The following CEMIP2 variants were observed in gnomAD, a reference collection of about 807,000 sequenced individuals.
The protein encoded by CEMIP2 is cell surface hyaluronidase CEMIP2.
A neutral mutation model predicts 146.9 loss-of-function variants in CEMIP2; 79 were observed. That is an observed-to-expected ratio of 0.54 (90% confidence interval 0.45 to 0.65). The LOEUF (loss-of-function observed/expected upper bound fraction) is 0.65. CEMIP2 is among the 30% of genes least tolerant of loss of function. The pLI is 0.00. For missense variants in CEMIP2, 1,596 were observed against 1,696.2 expected, an observed-to-expected ratio of 0.94 and a Z score of 1.04; for synonymous variants, 601 against 606.3, an observed-to-expected ratio of 0.99 and a Z score of 0.13.
chr9:71,727,816 T>G (rs1823435216), intron 10 of CEMIP2, among the ~76,000 whole-genome samples: 2 of 152,152 alleles, frequency 1.3e-5, no homozygotes, highest in South Asian at 4.1e-4. Flanking sequence ...ATCCCAGCAC[T>G]TTGGGAGGCC....
intron 1 of CEMIP2, among the ~76,000 whole-genome samples, chr9:71,758,282 G>T (rs1028570432): frequency 3.3e-5 from 5 of 152,108 alleles, no homozygotes; most frequent in Non-Finnish European, 7.3e-5. Context: ...CAGGTGTGGG[G>T]CCAAGGACCT....
At chr9:71,746,596 CAAAAAAA>C (rs5898226) in intron 2 of CEMIP2, among the ~76,000 whole-genome samples, 3 of 75,180 alleles carry the variant, frequency 4.0e-5, no homozygotes, top group South Asian at 6.6e-4. Flanking sequence ...CAAACTTCAC[CAAAAAAA>C]AAAAAAAAAA....
At chr9:71,706,056 C>T (rs1274338150) in intron 17 of CEMIP2, among the ~76,000 whole-genome samples, 1 of 151,726 alleles carries the variant, frequency 6.6e-6, no homozygotes, top group East Asian at 1.9e-4. Context: ...TGGTGAAATC[C>T]CGTCTCTATT....
intron 1 of CEMIP2, among the ~76,000 whole-genome samples, chr9:71,752,467 A>G (rs146267134): frequency 1.3e-5 from 1 of 78,918 alleles, no homozygotes; most frequent in Non-Finnish European, 2.6e-5. Context: ...AGAGGAAGGA[A>G]GGAAGGAAGG....
chr9:71,750,436 A>G (rs1432316209), intron 1 of CEMIP2, 51 bp from the exon 2 acceptor site: 8 of 1,249,448 alleles, frequency 6.4e-6, no homozygotes, highest in Non-Finnish European at 7.6e-6. Flanking sequence ...TTCTTTTTTA[A>G]TTTCTTTTAT....
In CEMIP2 at chr9:71,743,381, T is replaced by C. The variant is rs1047392206; in HGVS notation, c.1034+1637A>G. 8.1e-4 allele frequency among the ~76,000 whole-genome samples: 123 copies of C among 152,312 alleles called. 1 individual carries two copies. The highest frequency in any genetic ancestry group is 3.5e-4 in the Non-Finnish European group (24 of 68,036). On this transcript the variant is annotated intron_variant, in intron 4 of 23. Coordinates refer to ENST00000377044, the MANE Select transcript of CEMIP2 (RefSeq NM_013390.3). Reference sequence around the variant, plus strand: ...CACATTGCGGCAACTTATTAAGCTCTACATTGTTATTTTTGGCACTTTTTT... The same window carrying C: ...CACATTGCGGCAACTTATTAAGCTCCACATTGTTATTTTTGGCACTTTTTT...
At chr9:71,756,280 A>G (rs370227846) in intron 1 of CEMIP2, among the ~76,000 whole-genome samples, 29 of 148,488 alleles carry the variant, frequency 2.0e-4, no homozygotes, top group East Asian at 7.8e-4. Context: ...ACGTATATGT[A>G]TATACCTATA....
chr9:71,756,506 T>TCACACA (rs1554689412), intron 1 of CEMIP2, among the ~76,000 whole-genome samples: 168 of 112,536 alleles, frequency 1.5e-3, no homozygotes, highest in African/African-American at 5.2e-3. Context: ...TCTCTCTCTC[T>TCACACA]CACACACACA....
At position 71,740,086 on chromosome 9, in the gene CEMIP2, G is replaced by A. The variant is rs1184731192; in HGVS notation, c.1181C>T (p.Thr394Ile). Residue 394 changes from threonine to isoleucine, a missense_variant, in exon 5 of 24, where the codon ACA becomes ATA. Transcript: ENST00000377044. ...YTVDGQKFSV[T>I]AYSEWIEGVS... Reference sequence around the variant, plus strand: ...ACCTTCAATCCATTCACTATAAGCTGTCACAGAGAACTTCTGGCCATCCAC... The same window carrying A: ...ACCTTCAATCCATTCACTATAAGCTATCACAGAGAACTTCTGGCCATCCAC... The A allele has an allele frequency of 3.7e-6, 6 of 1,613,934 alleles. No homozygotes were observed. Among genetic ancestry groups the A allele is most frequent in the South Asian group, 1.1e-5 (1 of 91,074 alleles).
At chr9:71,766,484 C>A (rs531908650) in intron 1 of CEMIP2, among the ~76,000 whole-genome samples, 2 of 152,172 alleles carry the variant, frequency 1.3e-5, no homozygotes, top group African/African-American at 4.8e-5. Flanking sequence ...GCCCACAAGA[C>A]TACATTACCC....
chr9:71,740,067 A>G lies in CEMIP2; in HGVS notation c.1200T>C (p.Ile400=), dbSNP rs25691. The change falls in exon 5 of 24, where the codon ATT becomes ATC. Residue 400 remains isoleucine (I), a synonymous_variant. Coordinates refer to ENST00000377044, the MANE Select transcript of CEMIP2 (RefSeq NM_013390.3). ...GTATAAACTCTACTTGCCTACCTTC[A>G]ATCCATTCACTATAAGCTGTCACAG... The part of the protein sequence containing the change: ...KFSVTAYSEW[I]EGVSLSGFRV... The G allele has an allele frequency of 0.086, 138,950 of 1,612,936 alleles. 7,111 individuals are homozygous for G. The highest frequency in any genetic ancestry group is 0.19 in the South Asian group (17,429 of 91,008).
At chr9:71,727,240 G>A (rs555512713) in intron 10 of CEMIP2, among the ~76,000 whole-genome samples, 3 of 152,080 alleles carry the variant, frequency 2.0e-5, no homozygotes, top group Non-Finnish European at 4.4e-5. Flanking sequence ...TAATCTTCAA[G>A]CCCTGACTTC....
rs753359357 is a variant in CEMIP2, at chr9:71,730,257, C to A, written c.1774-4G>T. On this transcript the variant is annotated splice_region_variant and splice_polypyrimidine_tract_variant and intron_variant, in intron 8 of 23. Transcript: ENST00000377044. The stretch of plus-strand genomic sequence containing the variant: ...CAAACCCAATGGTGTCTTTTATCTG[C>A]AGAAATAAAAGTATATTAATGTCAT... 26 of 1,612,260 alleles carry A rather than the reference C, an allele frequency of 1.6e-5. No homozygotes were observed. The Admixed American group carries it at 4.3e-4, about 27-fold the overall frequency.
Position 71,728,292 on chromosome 9 carries a change from TATATATATAC to T in CEMIP2, c.2049+1543_2049+1552del, listed in dbSNP as rs1188654206. Among the ~76,000 whole-genome samples, 109 of 24,870 alleles carry T rather than the reference TATATATATAC, an allele frequency of 4.4e-3. 22 individuals are homozygous for T. Among genetic ancestry groups the T allele is most frequent in the African/African-American group, 8.9e-3 (85 of 9,526 alleles). The allele number at this position is 24,870 out of a possible 152,430, so 16.3% of individuals were successfully genotyped here. ...ATATATATATATATGTATATATATA[TATATATATAC>T]ATATATATATATATACGTATATATA... is the stretch of plus-strand genomic sequence containing the variant. On this transcript the variant is annotated intron_variant, in intron 10 of 23. Coordinates refer to ENST00000377044, the MANE Select transcript of CEMIP2 (RefSeq NM_013390.3).
At chr9:71,735,022 G>C in intron 5 of CEMIP2, 28 bp from the exon 6 acceptor site, 1 of 1,557,822 alleles carries the variant, frequency 6.4e-7, no homozygotes, top group South Asian at 1.2e-5. Context: ...AAAAGAAAAA[G>C]AAAGTGATAC....
chr9:71,694,420 G>A (rs1822332232), intron 21 of CEMIP2, 89 bp downstream of exon 21: 2 of 1,066,462 alleles, frequency 1.9e-6, no homozygotes, highest in Non-Finnish European at 1.4e-6. Flanking sequence ...ACCGCACCCA[G>A]CCAATTTCTG....
chr9:71,732,889 C>A (rs1242695350), intron 6 of CEMIP2, among the ~76,000 whole-genome samples: 1 of 151,846 alleles, frequency 6.6e-6, no homozygotes, highest in Non-Finnish European at 1.5e-5. Context: ...TGAACCCTCA[C>A]TACTAACTGT....
chr9:71,730,175 A>T lies in CEMIP2; in HGVS notation c.1852T>A (p.Phe618Ile), dbSNP rs1201269035. ...TTGGTGAGGAGTCCCAGATTGTGGA[A>T]CAAAGTATTCCTCTGTTCAATACCA... ...EDGIEQRNTLFHNLGLLTKPG... is the reference protein window; with the variant it reads ...EDGIEQRNTLIHNLGLLTKPG... The change falls in exon 9 of 24, where the codon TTC (phenylalanine) becomes ATC (isoleucine). Residue 618 changes from phenylalanine (F) to isoleucine (I), a missense_variant. Coordinates refer to ENST00000377044, the MANE Select transcript of CEMIP2 (RefSeq NM_013390.3). The T allele has an allele frequency of 1.2e-6, 2 of 1,614,212 alleles. No individual in the cohort carries two copies. The highest frequency in any genetic ancestry group is 3.3e-5 in the Admixed American group (2 of 60,018).
intron 22 of CEMIP2, among the ~76,000 whole-genome samples, chr9:71,688,356 T>G (rs1413723348): frequency 6.6e-6 from 1 of 152,112 alleles, no homozygotes; most frequent in Non-Finnish European, 1.5e-5. Flanking sequence ...ACCTTAAGTT[T>G]CATGCTGGTA....
Sources: allele counts gnomAD v4.1 joint callset (sites outside exome capture counted in the v4.1 genomes callset), GRCh38; gene constraint gnomAD v4.1.1; transcripts MANE v1.5; gene names NCBI Gene and HGNC (gene_info 2026-07-23, HGNC 2026-07-21).